The following NR6A1 variants were observed in gnomAD, a reference collection of about 807,000 sequenced individuals.
The protein encoded by NR6A1 is retinoic acid receptor-related testis-associated receptor.
Under a neutral mutation model 59.1 loss-of-function variants are expected in NR6A1, and 7 were observed. That is an observed-to-expected ratio of 0.12 (90% CI 0.07 to 0.22). The LOEUF (loss-of-function observed/expected upper bound fraction) is 0.22. Among genes scored for constraint, NR6A1 ranks in the 10% least tolerant of loss-of-function variants. The pLI is 1.00. For missense variants in NR6A1, 468 were observed against 611.6 expected, an observed-to-expected ratio of 0.77 and a Z score of 2.48; for synonymous variants, 243 against 236.1, an observed-to-expected ratio of 1.03 and a Z score of -0.27.
chr9:124,628,501 AC>A (rs1351747638), intron 2 of NR6A1, among the ~76,000 whole-genome samples: 1 of 151,372 alleles, frequency 6.6e-6, no homozygotes, highest in Non-Finnish European at 1.5e-5. Flanking sequence ...ATACTACCAC[AC>A]CCGGCTAATT....
Position 124,727,213 on chromosome 9 carries a change from T to C in NR6A1, c.142+6095A>G, listed in dbSNP as rs143340587. The stretch of plus-strand genomic sequence containing the variant: ...TTATTTTCCCTGAGTAATTCAAGTA[T>C]AGTGCAATGGAAAATGTTTAGTAGC... On this transcript the variant is annotated intron_variant, in intron 2 of 9. Transcript: ENST00000487099. Among the ~76,000 whole-genome samples the C allele has an allele frequency of 2.6e-5, 4 of 152,332 alleles. No homozygotes were observed. In the East Asian group the frequency reaches 5.8e-4, roughly 22 times the overall value.
chr9:124,610,136 T>A (rs979999717), intron 2 of NR6A1, among the ~76,000 whole-genome samples: 4 of 152,198 alleles, frequency 2.6e-5, no homozygotes, highest in African/African-American at 9.7e-5. Flanking sequence ...CAATACCACA[T>A]TGAAAAGGAG....
intron 1 of NR6A1, among the ~76,000 whole-genome samples, chr9:124,745,257 G>GA (rs34826262): frequency 0.48 from 70,693 of 148,742 alleles, 16,769 homozygotes; most frequent in Admixed American, 0.59. Context: ...ATATATACAT[G>GA]AAAAAAAAAA....
At chr9:124,694,761 T>C (rs1403714994) in intron 2 of NR6A1, among the ~76,000 whole-genome samples, 1 of 152,218 alleles carries the variant, frequency 6.6e-6, no homozygotes, top group Admixed American at 6.5e-5. Context: ...AGAAGAGTCT[T>C]GTCAAATTAG....
At chr9:124,619,160 C>T (rs1171942422) in intron 2 of NR6A1, among the ~76,000 whole-genome samples, 7 of 151,978 alleles carry the variant, frequency 4.6e-5, no homozygotes, top group African/African-American at 1.7e-4. Context: ...CGCAACCATT[C>T]GTTAAAACAA....
At chr9:124,760,021 C>A (rs1478259447) in intron 1 of NR6A1, among the ~76,000 whole-genome samples, 1 of 145,920 alleles carries the variant, frequency 6.9e-6, no homozygotes, top group Non-Finnish European at 1.5e-5. Flanking sequence ...ACCTGGGTGA[C>A]AGAGCTAGAC....
intron 2 of NR6A1, among the ~76,000 whole-genome samples, chr9:124,568,955 T>TA (rs1377154107): frequency 6.6e-6 from 1 of 151,448 alleles, no homozygotes; most frequent in Non-Finnish European, 1.5e-5. Flanking sequence ...CTACTGAAAA[T>TA]ACAAAAAATT....
At chr9:124,550,140 A>G (rs1833727676) in intron 3 of NR6A1, among the ~76,000 whole-genome samples, 1 of 152,148 alleles carries the variant, frequency 6.6e-6, no homozygotes, top group Admixed American at 6.5e-5. Context: ...AGTGTTTCAT[A>G]TCAGGGGGTA....
chr9:124,683,670 G>A (rs1303174587), intron 2 of NR6A1, among the ~76,000 whole-genome samples: 2 of 152,206 alleles, frequency 1.3e-5, no homozygotes, highest in African/African-American at 4.8e-5. Context: ...GGCACCACCT[G>A]TAATCCCAAC....
chr9:124,611,741 C>A (rs568616058), intron 2 of NR6A1, among the ~76,000 whole-genome samples: 1 of 54,294 alleles, frequency 1.8e-5, no homozygotes, highest in African/African-American at 8.0e-5. Flanking sequence ...CAGAGTGAGA[C>A]CCTGTCTTAG....
intron 2 of NR6A1, among the ~76,000 whole-genome samples, chr9:124,621,479 TC>T (rs1202179059): frequency 9.6e-6 from 1 of 103,952 alleles, no homozygotes; most frequent in East Asian, 2.7e-4. Context: ...AGACCCAATA[TC>T]TTTAAAAAAA....
At chr9:124,638,868 G>T (rs561343983) in intron 2 of NR6A1, among the ~76,000 whole-genome samples, 1 of 152,262 alleles carries the variant, frequency 6.6e-6, no homozygotes, top group African/African-American at 2.4e-5. Flanking sequence ...GCCCTTAAGT[G>T]AAATATAATT....
chr9:124,622,193 G>A (rs2130862707), intron 2 of NR6A1, among the ~76,000 whole-genome samples: 1 of 152,290 alleles, frequency 6.6e-6, no homozygotes, highest in South Asian at 2.1e-4. Context: ...TCCAGCTTGG[G>A]TGACAGAGTG....
intron 2 of NR6A1, among the ~76,000 whole-genome samples, chr9:124,704,574 G>GT (rs1839067200): frequency 6.6e-6 from 1 of 152,068 alleles, no homozygotes; most frequent in Admixed American, 6.6e-5. Flanking sequence ...CTTCGGATTA[G>GT]TTTGTGTTTT....
rs529139969 is a variant in NR6A1, at chr9:124,535,025, G to A, written c.1079+853C>T. On this transcript the variant is annotated intron_variant, in intron 7 of 9. Transcript: ENST00000487099. ...TATAGTCCCAGCTACTTGGGTGGCT[G>A]AGGCAGGGGAATGGCATGAAACCGG... 6.6e-4 allele frequency among the ~76,000 whole-genome samples: 101 copies of A among 152,254 alleles called. 1 individual carries two copies. In the South Asian group the frequency reaches 0.018, roughly 28 times the overall value.
chr9:124,730,092 C>T (rs1343837371), intron 2 of NR6A1, among the ~76,000 whole-genome samples: 5 of 152,154 alleles, frequency 3.3e-5, no homozygotes, highest in Admixed American at 2.0e-4. Context: ...GGATTACAGG[C>T]GTGAGCCACC....
intron 6 of NR6A1, 55 bp downstream of exon 6, chr9:124,538,029 AGTGGGTGT>A (rs1186102280): frequency 7.3e-7 from 1 of 1,375,830 alleles, no homozygotes; most frequent in Non-Finnish European, 1.0e-6. Flanking sequence ...CAGGGACGCG[AGTGGGTGT>A]GGGGTAGGGA....
intron 2 of NR6A1, among the ~76,000 whole-genome samples, chr9:124,715,363 A>AAT (rs1839386811): frequency 2.0e-5 from 3 of 151,646 alleles, no homozygotes; most frequent in South Asian, 2.1e-4. Context: ...TCTCTACAAA[A>AAT]ATATATATAT....
chr9:124,752,938 G>A (rs376044262), intron 1 of NR6A1, among the ~76,000 whole-genome samples: 1 of 152,152 alleles, frequency 6.6e-6, no homozygotes, highest in African/African-American at 2.4e-5. Flanking sequence ...CAAGAGGAAG[G>A]ATGAAAGGAG....
Sources: allele counts gnomAD v4.1 joint callset (sites outside exome capture counted in the v4.1 genomes callset), GRCh38; gene constraint gnomAD v4.1.1; transcripts MANE v1.5; gene names NCBI Gene and HGNC (gene_info 2026-07-23, HGNC 2026-07-21).